The following FECH variants were observed in gnomAD, a reference collection of about 807,000 sequenced individuals.
FECH encodes the protein ferrochelatase.
Under a neutral mutation model 56.9 loss-of-function variants are expected in FECH, and 40 were observed. That is an observed-to-expected ratio of 0.70 (90% CI 0.55 to 0.92). The LOEUF (loss-of-function observed/expected upper bound fraction) is 0.92, where lower values mean the gene tolerates loss of function less well. FECH is among the 40% of genes least tolerant of loss of function. The pLI is 0.00. For missense variants in FECH, 431 were observed against 529.1 expected, an observed-to-expected ratio of 0.81 and a Z score of 1.82; for synonymous variants, 175 against 198.6, an observed-to-expected ratio of 0.88 and a Z score of 1.00.
intron 3 of FECH, 78 bp downstream of exon 3, chr18:57,573,168 G>C: frequency 7.1e-7 from 1 of 1,403,642 alleles, no homozygotes; most frequent in South Asian, 1.2e-5. Context: ...ACTATTTACT[G>C]GTTTGAAACT....
At chr18:57,554,207 A>C in intron 9 of FECH, 53 bp downstream of exon 9, 1 of 1,606,762 alleles carries the variant, frequency 6.2e-7, no homozygotes, top group Non-Finnish European at 8.5e-7. Context: ...TTGCAGAAAA[A>C]ATTTCCTTTT....
rs991125232 is a variant in FECH at position 57,547,582 on chromosome 18, C to T, written c.*3130G>A. Among the ~76,000 whole-genome samples, 8 of 152,138 alleles carry T rather than the reference C, an allele frequency of 5.3e-5. No homozygotes were observed. The South Asian group carries it at 6.2e-4, about 12-fold the overall frequency. ...CTAAGGCTTCCTCAGAAAGCCGAAC[C>T]GAGTCAATTAAACCTCTTTCCTTTG... On this transcript the variant is annotated 3_prime_UTR_variant, in exon 11 of 11. Coordinates refer to ENST00000262093, the MANE Select transcript of FECH (RefSeq NM_000140.5).
At chr18:57,563,825 TCTTTA>T (rs1379716604) in intron 5 of FECH, among the ~76,000 whole-genome samples, 1 of 152,162 alleles carries the variant, frequency 6.6e-6, no homozygotes, top group Admixed American at 6.5e-5. Context: ...ATTTTGAGCA[TCTTTA>T]CTTAATATTA....
intron 7 of FECH, among the ~76,000 whole-genome samples, chr18:57,555,858 G>A (rs2050861006): frequency 6.6e-6 from 1 of 152,266 alleles, no homozygotes. Context: ...ATGGGGCGCA[G>A]TGGCTCACGC....
At chr18:57,569,452 T>A (rs1257706283) in intron 4 of FECH, among the ~76,000 whole-genome samples, 1 of 152,126 alleles carries the variant, frequency 6.6e-6, no homozygotes, top group Non-Finnish European at 1.5e-5. Flanking sequence ...TTTTTCTTAA[T>A]AGAAATAAAT....
chr18:57,573,257 A>G lies in FECH; in HGVS notation c.303T>C (p.Leu101=), dbSNP rs143071766. 1.9e-5 allele frequency: 30 copies of G among 1,613,304 alleles called. No individual in the cohort carries two copies. The highest frequency in any genetic ancestry group is 2.5e-5 in the Non-Finnish European group (30 of 1,179,318). The change falls in exon 3 of 11, where the codon CTT becomes CTC. Residue 101 remains leucine (L), a synonymous_variant. Coordinates refer to ENST00000262093, the MANE Select transcript of FECH (RefSeq NM_000140.5). ...RLFLDRDLMT[L]PIQNKLAPFI... Reference sequence around the variant, plus strand: ...TATATATATCTCACTTCTGAATAGGAAGTGTCATGAGGTCTCGGTCCAAGA... The same window carrying G: ...TATATATATCTCACTTCTGAATAGGGAGTGTCATGAGGTCTCGGTCCAAGA...
At chr18:57,565,282 G>T (rs2051001473) in intron 5 of FECH, among the ~76,000 whole-genome samples, 1 of 152,196 alleles carries the variant, frequency 6.6e-6, no homozygotes, top group South Asian at 2.1e-4. Context: ...CAGACATTTT[G>T]AAGTTGTAGT....
At chr18:57,586,179 T>C (rs1035207432) in intron 1 of FECH, among the ~76,000 whole-genome samples, 2 of 152,242 alleles carry the variant, frequency 1.3e-5, no homozygotes, top group Non-Finnish European at 1.5e-5. Context: ...ATGATGAAGA[T>C]GCCTTCCTTA....
At chr18:57,554,081 G>A (rs1473751759) in intron 9 of FECH, among the ~76,000 whole-genome samples, 179 bp downstream of exon 9, 1 of 152,126 alleles carries the variant, frequency 6.6e-6, no homozygotes, top group Non-Finnish European at 1.5e-5. Flanking sequence ...CCACTGCATG[G>A]AATTAACTCA....
chr18:57,552,314 G>C (rs2050810429), intron 9 of FECH, among the ~76,000 whole-genome samples: 1 of 151,884 alleles, frequency 6.6e-6, no homozygotes, highest in African/African-American at 2.4e-5. Context: ...GATTTACTCA[G>C]GTAGTTAGGA....
chr18:57,557,563 G>T (rs1212207268), intron 7 of FECH, among the ~76,000 whole-genome samples: 1 of 152,176 alleles, frequency 6.6e-6, no homozygotes, highest in African/African-American at 2.4e-5. Context: ...CAGCACTTTG[G>T]GAGGCCAAGG....
At chr18:57,576,726 G>T (rs1281962469) in intron 2 of FECH, among the ~76,000 whole-genome samples, 1 of 152,170 alleles carries the variant, frequency 6.6e-6, no homozygotes, top group South Asian at 2.1e-4. Flanking sequence ...AGATGCACAC[G>T]ACTTGAAAAT....
rs2050966614 is a variant in FECH at position 57,563,045 on chromosome 18, G to A, written c.599-65C>T. The stretch of plus-strand genomic sequence containing the variant: ...TATGGTGAAAATAAAAAACAGACTC[G>A]TAAAGGTAGTATATATAAGTTCAAA... On this transcript the variant is annotated intron_variant, in intron 5 of 10. Transcript: ENST00000262093. The A allele has an allele frequency of 2.4e-5, 31 of 1,280,466 alleles. 1 individual carries two copies. In the South Asian group the frequency reaches 3.1e-4, roughly 13 times the overall value. The allele number at this position is 1,280,466 out of a possible 1,614,324, so 79.3% of individuals were successfully genotyped here. A position where few individuals can be genotyped will look rare whatever the true frequency, so the allele number is the denominator to read the frequency against.
chr18:57,559,256 C>T lies in FECH; in HGVS notation c.706-13G>A. The T allele has an allele frequency of 6.5e-7, 1 of 1,546,084 alleles. No homozygotes were observed. The highest frequency in any genetic ancestry group is 8.9e-7 in the Non-Finnish European group (1 of 1,118,864). ...GATCTGCAAAGCACTGAGTGAGTAA[C>T]AAGAAAGGAGGATAAAGAGGAAGGG... On this transcript the variant is annotated splice_polypyrimidine_tract_variant and intron_variant, in intron 6 of 10. Coordinates refer to ENST00000262093, the MANE Select transcript of FECH (RefSeq NM_000140.5).
Position 57,549,519 on chromosome 18 carries a change from A to T in FECH, c.*1193T>A, listed in dbSNP as rs1257658949. On this transcript the variant is annotated 3_prime_UTR_variant, in exon 11 of 11. Coordinates refer to ENST00000262093, the MANE Select transcript of FECH (RefSeq NM_000140.5). ...ATCTTTACAAATTCTTCATGGAACC[A>T]CCGGGGATCTTTTAATCCATTTAAA... 6.8e-6 allele frequency: 1 copy of T among 147,398 alleles called. No individual in the cohort carries two copies. The highest frequency in any genetic ancestry group is 1.5e-5 in the Non-Finnish European group (1 of 66,024). The allele number at this position is 147,398 out of a possible 1,614,324, so 9.1% of individuals were successfully genotyped here. A position where few individuals can be genotyped will look rare whatever the true frequency, so the allele number is the denominator to read the frequency against.
At chr18:57,559,807 C>T (rs1013093778) in intron 6 of FECH, among the ~76,000 whole-genome samples, 15 of 152,164 alleles carry the variant, frequency 9.9e-5, no homozygotes, top group African/African-American at 1.9e-4. Flanking sequence ...GTGATACACA[C>T]CCATTAAATT....
At chr18:57,578,136 T>G (rs2051209340) in intron 2 of FECH, among the ~76,000 whole-genome samples, 1 of 152,194 alleles carries the variant, frequency 6.6e-6, no homozygotes, top group Non-Finnish European at 1.5e-5. Flanking sequence ...TCTTCTAGGA[T>G]TCCAAACTGA....
intron 4 of FECH, 128 bp from the exon 5 acceptor site, chr18:57,566,709 A>C: frequency 1.8e-6 from 2 of 1,121,648 alleles, no homozygotes; most frequent in Non-Finnish European, 2.6e-6. Context: ...CTGACGGTGA[A>C]GGCAAGTTTA....
Position 57,586,680 on chromosome 18 carries a change from GCCCA to G in FECH, c.-64_-61del. ...CCCGCGGCGGCGCGCCCAGGTGTCC[GCCCA>G]GCAGTGGCCGAGCCGGGTAGCGATC... On this transcript the variant is annotated 5_prime_UTR_variant, in exon 1 of 11. Transcript: ENST00000262093. The G allele has an allele frequency of 7.0e-7, 1 of 1,431,056 alleles. No homozygotes were observed. The highest frequency in any genetic ancestry group is 1.3e-5 in the South Asian group (1 of 76,714). 88.6% of individuals were successfully genotyped at this position (1,431,056 alleles called of 1,614,324 possible).
Sources: gnomAD v4.1 joint callset for allele counts (sites outside exome capture counted in the v4.1 genomes callset) on GRCh38, gnomAD v4.1.1 for gene constraint, MANE v1.5 for transcripts, NCBI Gene and HGNC (gene_info 2026-07-23, HGNC 2026-07-21) for gene names.